The following COG3 variants were observed in gnomAD, a reference collection of about 807,000 sequenced individuals.
COG3 encodes the protein component of oligomeric golgi complex 3.
A neutral mutation model predicts 114.1 loss-of-function variants in COG3; 32 were observed. The ratio of observed to expected loss-of-function variants is 0.28; its 90% CI spans 0.21 to 0.38. The LOEUF (loss-of-function observed/expected upper bound fraction) is 0.38. Among genes scored for constraint, COG3 ranks in the 10% least tolerant of loss-of-function variants. The pLI is 1.00. For synonymous variants in COG3, 352 were observed against 365.7 expected (o/e 0.96, Z 0.43); for missense variants, 813 against 973.2 (o/e 0.84, Z 2.19).
chr13:45,522,015 G>T (rs1872209675), intron 19 of COG3, among the ~76,000 whole-genome samples: 1 of 152,060 alleles, frequency 6.6e-6, no homozygotes, highest in Non-Finnish European at 1.5e-5. Context: ...ATGTTGACCA[G>T]GCTGGTCTCA....
intron 13 of COG3, among the ~76,000 whole-genome samples, chr13:45,502,697 T>G (rs1317997597): frequency 6.6e-6 from 1 of 152,096 alleles, no homozygotes; most frequent in African/African-American, 2.4e-5. Flanking sequence ...TGTTTAGTGG[T>G]GATTTCTGAG....
intron 13 of COG3, among the ~76,000 whole-genome samples, chr13:45,498,989 C>T (rs1439850428): frequency 6.6e-6 from 1 of 152,108 alleles, no homozygotes; most frequent in Non-Finnish European, 1.5e-5. Flanking sequence ...GCTCTTTCTC[C>T]AGGAACCCTT....
intron 2 of COG3, among the ~76,000 whole-genome samples, chr13:45,478,222 C>T (rs1347295214): frequency 5.4e-5 from 8 of 146,874 alleles, no homozygotes; most frequent in Non-Finnish European, 1.2e-4. Flanking sequence ...GACGGAGTCT[C>T]GCTCTGTCAC....
At chr13:45,506,910 T>C (rs1250838978) in intron 14 of COG3, among the ~76,000 whole-genome samples, 1 of 152,170 alleles carries the variant, frequency 6.6e-6, no homozygotes, top group Non-Finnish European at 1.5e-5. Context: ...AGACCAGTTA[T>C]CAGTACCTTC....
chr13:45,503,698 T>C (rs1869802456), intron 14 of COG3, among the ~76,000 whole-genome samples: 1 of 152,022 alleles, frequency 6.6e-6, no homozygotes, highest in Non-Finnish European at 1.5e-5. Context: ...ATAGATAGAA[T>C]AGAATGTAGA....
At chr13:45,518,623 C>T in intron 17 of COG3, 139 bp from the exon 18 acceptor site, 2 of 631,010 alleles carry the variant, frequency 3.2e-6, no homozygotes, top group South Asian at 3.9e-5. Context: ...GCTCATCTCA[C>T]TCTCAGCCTT....
chr13:45,520,982 A>G (rs1439266369), intron 19 of COG3, among the ~76,000 whole-genome samples: 1 of 152,230 alleles, frequency 6.6e-6, no homozygotes, highest in Admixed American at 6.5e-5. Flanking sequence ...GTTGATTATA[A>G]TGAAATCCAG....
chr13:45,505,807 TG>T (rs1870079349), intron 14 of COG3, among the ~76,000 whole-genome samples: 1 of 151,924 alleles, frequency 6.6e-6, no homozygotes, highest in Non-Finnish European at 1.5e-5. Flanking sequence ...TTGCCCAGGA[TG>T]GGTCTTGAAC....
chr13:45,482,429 A>G lies in COG3; in HGVS notation c.673A>G (p.Met225Val), dbSNP rs1886304858. 1 of 1,578,178 alleles carries G rather than the reference A, an allele frequency of 6.3e-7. No homozygotes were observed. Among genetic ancestry groups the G allele is most frequent in the African/African-American group, 1.4e-5 (1 of 73,900 alleles). The change falls in exon 6 of 23, where the codon ATG becomes GTG. Residue 225 changes from methionine (M) to valine (V), a missense_variant. Met to Val is a conservative substitution (Grantham distance 21). This residue lies in a region of COG3 where 424 missense variants were observed against 430.6 expected (regional missense o/e 0.98). Transcript: ENST00000349995. ...GGTGAATAGTGACGGATTTATACCTATGCTGGCCAAGTTAGATGATTGTAT... is the reference window on the plus strand; with the variant it reads ...GGTGAATAGTGACGGATTTATACCTGTGCTGGCCAAGTTAGATGATTGTAT... ...LSVNSDGFIP[M>V]LAKLDDCITY...
Position 45,534,799 on chromosome 13 carries a change from G to T in COG3, c.*68G>T. 1.3e-6 allele frequency: 2 copies of T among 1,508,128 alleles called. No individual in the cohort carries two copies. Among genetic ancestry groups the T allele is most frequent in the South Asian group, 1.3e-5 (1 of 76,880 alleles). The allele number at this position is 1,508,128 out of a possible 1,614,324, so 93.4% of individuals were successfully genotyped here. A position where few individuals can be genotyped will look rare whatever the true frequency, so the allele number is the denominator to read the frequency against. ...AGCAGGCTGAGAAGTCTTGCAGTCT[G>T]CAGGACACCGAGGAATCGTATGTGG... is the stretch of plus-strand genomic sequence containing the variant. On this transcript the variant is annotated 3_prime_UTR_variant, in exon 23 of 23. Transcript: ENST00000349995.
At chr13:45,478,970 A>T (rs1459112211) in intron 2 of COG3, 35 bp from the exon 3 acceptor site, 73 of 1,496,814 alleles carry the variant, frequency 4.9e-5, no homozygotes, top group Non-Finnish European at 6.7e-5. Flanking sequence ...TGTCAGTTTT[A>T]GTTTTGTTCA....
intron 16 of COG3, among the ~76,000 whole-genome samples, chr13:45,514,082 C>G (rs1227451321): frequency 6.6e-6 from 1 of 150,890 alleles, no homozygotes; most frequent in Non-Finnish European, 1.5e-5. Flanking sequence ...TTTCTCAGAT[C>G]TCAGGAGGGA....
chr13:45,477,917 T>C (rs2137792415), intron 2 of COG3, among the ~76,000 whole-genome samples: 1 of 151,926 alleles, frequency 6.6e-6, no homozygotes, highest in African/African-American at 2.4e-5. Context: ...TGAGCTACCA[T>C]TCCCGGCCCC....
chr13:45,496,773 G>A (rs79396384), intron 13 of COG3, among the ~76,000 whole-genome samples: 2,130 of 151,674 alleles, frequency 0.014, 43 homozygotes, highest in African/African-American at 0.043. Context: ...TCACGGGTTC[G>A]CGCCATTCTC....
intron 1 of COG3, among the ~76,000 whole-genome samples, chr13:45,470,588 ACTG>A (rs1885413149): frequency 6.6e-6 from 1 of 152,238 alleles, no homozygotes; most frequent in Non-Finnish European, 1.5e-5. Context: ...GAGAAATACT[ACTG>A]TGATCGGTAC....
chr13:45,518,144 T>TTATCTGG (rs1354864449), intron 17 of COG3, among the ~76,000 whole-genome samples: 2 of 152,210 alleles, frequency 1.3e-5, no homozygotes, highest in African/African-American at 4.8e-5. Flanking sequence ...ATGCTTTGCT[T>TTATCTGG]TATCTGGTCT....
At chr13:45,489,877 G>A (rs1009239959) in intron 8 of COG3, among the ~76,000 whole-genome samples, 2 of 150,094 alleles carry the variant, frequency 1.3e-5, no homozygotes, top group Non-Finnish European at 3.0e-5. Flanking sequence ...CAAGACTAAA[G>A]AAGAAAATTT....
intron 13 of COG3, among the ~76,000 whole-genome samples, chr13:45,500,106 AT>A: frequency 1.4e-5 from 1 of 70,620 alleles, no homozygotes; most frequent in South Asian, 6.7e-4. Flanking sequence ...ATATATATAT[AT>A]ATATATATAA....
At chr13:45,493,221 C>T (rs1434516637) in intron 11 of COG3, 126 bp from the exon 12 acceptor site, 1 of 713,278 alleles carries the variant, frequency 1.4e-6, no homozygotes, top group Non-Finnish European at 2.3e-6. Context: ...ATAATGTCCT[C>T]AGATACTATT....
Sources: allele counts gnomAD v4.1 joint callset (sites outside exome capture counted in the v4.1 genomes callset), GRCh38; gene constraint gnomAD v4.1.1; regional missense constraint gnomAD v4.1.1; transcripts MANE v1.5; gene names NCBI Gene and HGNC (gene_info 2026-07-23, HGNC 2026-07-21).